Variants in TNFSF4 observed in about 807,000 individuals in gnomAD.
The protein encoded by TNFSF4 is tumor necrosis factor ligand superfamily member 4.
Under a neutral mutation model 7.3 loss-of-function variants are expected in TNFSF4, and 4 were observed. The ratio of observed to expected loss-of-function variants is 0.55; its 90% confidence interval spans 0.27 to 1.25. The LOEUF (loss-of-function observed/expected upper bound fraction) is 1.25, where lower values mean the gene tolerates loss of function less well. TNFSF4 is among the 50% of genes most tolerant of loss of function. The probability of loss-of-function intolerance (pLI) is 0.12; values close to 1 mark genes in which losing one functional copy is unlikely to be tolerated. For missense variants in TNFSF4, 181 were observed against 208.8 expected (o/e 0.87, Z 0.82); for synonymous variants, 76 against 83.7 (o/e 0.91, Z 0.50).
the TNFSF4 span, among the ~76,000 whole-genome samples, chr1:173,324,399 C>T: frequency 6.6e-6 from 1 of 152,192 alleles, no homozygotes; most frequent in South Asian, 2.1e-4. Context: ...GTACCAGCCA[C>T]TGCAAAAACA....
At chr1:173,432,400 A>C in the TNFSF4 span, among the ~76,000 whole-genome samples, 1 of 152,236 alleles carries the variant, frequency 6.6e-6, no homozygotes, top group Non-Finnish European at 1.5e-5. Flanking sequence ...AAATGAGTTC[A>C]TAAGGGTAGG....
the TNFSF4 span, among the ~76,000 whole-genome samples, chr1:173,233,899 T>C: frequency 6.6e-6 from 1 of 152,186 alleles, no homozygotes; most frequent in African/African-American, 2.4e-5. Flanking sequence ...AAGGACTTCA[T>C]GTCTAAAACA....
chr1:173,222,904 G>T, the TNFSF4 span, among the ~76,000 whole-genome samples: 1 of 152,154 alleles, frequency 6.6e-6, no homozygotes, highest in East Asian at 1.9e-4. Flanking sequence ...GTAATATAGG[G>T]CCCACTCTTA....
At chr1:173,325,543 C>T in the TNFSF4 span, among the ~76,000 whole-genome samples, 3 of 150,766 alleles carry the variant, frequency 2.0e-5, no homozygotes, top group Admixed American at 6.6e-5. Flanking sequence ...AATAGAGACA[C>T]AAAAAACCCT....
At chr1:173,278,337 T>C in the TNFSF4 span, among the ~76,000 whole-genome samples, 1 of 152,106 alleles carries the variant, frequency 6.6e-6, no homozygotes, top group Non-Finnish European at 1.5e-5. Context: ...CTCCTGATTG[T>C]TCCTTCAAAA....
At chr1:173,250,200 T>C in the TNFSF4 span, among the ~76,000 whole-genome samples, 3 of 129,800 alleles carry the variant, frequency 2.3e-5, no homozygotes, top group African/African-American at 9.9e-5. Flanking sequence ...TACTTGTTTA[T>C]TTTTATTTGT....
the TNFSF4 span, among the ~76,000 whole-genome samples, chr1:173,346,082 C>A: frequency 6.6e-6 from 1 of 152,044 alleles, no homozygotes; most frequent in Non-Finnish European, 1.5e-5. Flanking sequence ...TTCCTGAGGA[C>A]CTAAAATGAA....
chr1:173,406,262 G>GA, the TNFSF4 span, among the ~76,000 whole-genome samples: 491 of 152,114 alleles, frequency 3.2e-3, 7 homozygotes, highest in African/African-American at 0.011. Flanking sequence ...CTACTAGGGG[G>GA]AAAAAAAGCA....
chr1:173,194,185 T>G (rs1004253853), intron 1 of TNFSF4, among the ~76,000 whole-genome samples: 2 of 152,256 alleles, frequency 1.3e-5, no homozygotes, highest in African/African-American at 4.8e-5. Flanking sequence ...ATTTTTTCTC[T>G]GCTGTAAGTG....
the TNFSF4 span, among the ~76,000 whole-genome samples, chr1:173,288,986 T>C: frequency 6.6e-6 from 1 of 152,074 alleles, no homozygotes; most frequent in South Asian, 2.1e-4. Context: ...ACTCTTGATT[T>C]CCACCTGGAG....
At chr1:173,282,670 G>A in the TNFSF4 span, among the ~76,000 whole-genome samples, 1 of 152,074 alleles carries the variant, frequency 6.6e-6, no homozygotes, top group Admixed American at 6.6e-5. Flanking sequence ...TGGTGGTCAG[G>A]CTGATCTCGA....
chr1:173,399,884 A>C, the TNFSF4 span, among the ~76,000 whole-genome samples: 1 of 152,234 alleles, frequency 6.6e-6, no homozygotes, highest in Non-Finnish European at 1.5e-5. Context: ...ATATGCCAGC[A>C]GCAGAGACTC....
chr1:173,423,448 C>T, the TNFSF4 span, among the ~76,000 whole-genome samples: 1 of 152,190 alleles, frequency 6.6e-6, no homozygotes, highest in Admixed American at 6.5e-5. Flanking sequence ...GACATAGAGC[C>T]TTTCATATAC....
the TNFSF4 span, among the ~76,000 whole-genome samples, chr1:173,347,440 A>G: frequency 6.6e-6 from 1 of 152,160 alleles, no homozygotes; most frequent in Non-Finnish European, 1.5e-5. Context: ...TTACCACTGT[A>G]TTTTCAGTGC....
the TNFSF4 span, among the ~76,000 whole-genome samples, chr1:173,230,852 G>T: frequency 6.6e-6 from 1 of 152,110 alleles, no homozygotes; most frequent in Non-Finnish European, 1.5e-5. Flanking sequence ...TAGAAGAAAT[G>T]GATAAATTCC....
At chr1:173,308,236 C>T in the TNFSF4 span, among the ~76,000 whole-genome samples, 3 of 151,434 alleles carry the variant, frequency 2.0e-5, no homozygotes, top group African/African-American at 7.3e-5. Flanking sequence ...TCTCTTCCTT[C>T]TCTCTTCCTC....
the TNFSF4 span, among the ~76,000 whole-genome samples, chr1:173,330,794 T>C: frequency 3.9e-5 from 6 of 152,156 alleles, no homozygotes; most frequent in African/African-American, 1.4e-4. Flanking sequence ...CAAACTTCAG[T>C]ATATTCTTAC....
chr1:173,402,209 A>T, the TNFSF4 span, among the ~76,000 whole-genome samples: 1 of 152,222 alleles, frequency 6.6e-6, no homozygotes, highest in Admixed American at 6.5e-5. Flanking sequence ...AGCCAAAGGT[A>T]CAACACATCT....
At chr1:173,179,641 T>C (rs1649016052), downstream of TNFSF4, among the ~76,000 whole-genome samples, 1 of 152,248 alleles carries the variant, frequency 6.6e-6, no homozygotes, top group Non-Finnish European at 1.5e-5. Context: ...CAAGTTTTTT[T>C]ATCCATCTTT....
Sources: gnomAD v4.1 joint callset for allele counts (sites outside exome capture counted in the v4.1 genomes callset) on GRCh38, gnomAD v4.1.1 for gene constraint, MANE v1.5 for transcripts, NCBI Gene and HGNC (gene_info 2026-07-23, HGNC 2026-07-21) for gene names.